CAP2: variants seen among roughly 807,000 people sequenced by gnomAD.
CAP2 encodes cyclase associated actin cytoskeleton regulatory protein 2.
CAP2 carries 24 observed loss-of-function variants against 57.7 expected under a neutral mutation model. That is an observed-to-expected ratio of 0.42 (90% CI 0.30 to 0.58). The LOEUF is 0.58. CAP2 is among the 20% of genes least tolerant of loss of function. The pLI is 0.22. For missense variants in CAP2, 501 were observed against 590.3 expected, an observed-to-expected ratio of 0.85 and a Z score of 1.57; for synonymous variants, 194 against 207.2, an observed-to-expected ratio of 0.94 and a Z score of 0.55.
chr6:17,436,937 A>G (rs760053309), intron 3 of CAP2, among the ~76,000 whole-genome samples: 3 of 152,280 alleles, frequency 2.0e-5, no homozygotes, highest in South Asian at 2.1e-4. Context: ...TCAGAGGAGC[A>G]TAAACCCTAT....
In CAP2 at chr6:17,550,394, C is replaced by CTTTTTTT. The variant is rs10557884; in HGVS notation, c.1210-1049_1210-1043dup. On this transcript the variant is annotated intron_variant, in intron 11 of 12. Coordinates refer to ENST00000229922, the MANE Select transcript of CAP2 (RefSeq NM_006366.3). ...GTACCTGACCTTGAACTACCCCTGC[C>CTTTTTTT]TTTTTTTTTTTTTTTTTTTTTTTTT... 1.9e-4 allele frequency among the ~76,000 whole-genome samples: 10 copies of CTTTTTTT among 52,046 alleles called. 3 individuals are homozygous for CTTTTTTT. In the East Asian group the frequency reaches 2.9e-3, roughly 15 times the overall value. 34.1% of individuals were successfully genotyped at this position (52,046 alleles called of 152,430 possible).
intron 4 of CAP2, among the ~76,000 whole-genome samples, chr6:17,499,842 C>A (rs572385086): frequency 1.0e-5 from 1 of 95,520 alleles, no homozygotes; most frequent in Non-Finnish European, 2.0e-5. Flanking sequence ...CAGAGTGAGA[C>A]CCTGTCATAA....
At position 17,556,950 on chromosome 6, in the gene CAP2, T is replaced by C. The variant is rs1012544294; in HGVS notation, c.*508T>C. ...TTTATCAGCGTGGATACTGTCAGCA[T>C]GAGTACATATTTCAACCCACGCTTG... is the stretch of plus-strand genomic sequence containing the variant. On this transcript the variant is annotated 3_prime_UTR_variant, in exon 13 of 13. Coordinates refer to ENST00000229922, the MANE Select transcript of CAP2 (RefSeq NM_006366.3). The C allele has an allele frequency of 1.3e-5, 2 of 153,524 alleles. No individual in the cohort carries two copies. Among genetic ancestry groups the C allele is most frequent in the African/African-American group, 4.9e-5 (2 of 40,600 alleles). The allele number at this position is 153,524 out of a possible 1,614,324, so 9.5% of individuals were successfully genotyped here.
chr6:17,471,779 C>T (rs1318640689), intron 4 of CAP2, among the ~76,000 whole-genome samples: 2 of 150,676 alleles, frequency 1.3e-5, no homozygotes, highest in East Asian at 1.9e-4. Flanking sequence ...TGCAGTGAGC[C>T]GAGATTGCGC....
intron 9 of CAP2, among the ~76,000 whole-genome samples, chr6:17,542,312 C>A (rs1205445953): frequency 6.6e-6 from 1 of 152,188 alleles, no homozygotes; most frequent in Non-Finnish European, 1.5e-5. Flanking sequence ...TGCCACCCCC[C>A]ACTGCCCGGG....
intron 11 of CAP2, 103 bp from the exon 12 acceptor site, chr6:17,551,361 T>C: frequency 1.0e-6 from 1 of 964,536 alleles, no homozygotes; most frequent in Non-Finnish European, 1.5e-6. Flanking sequence ...TAATGCTTGG[T>C]TAAGCCCAAG....
intron 8 of CAP2, among the ~76,000 whole-genome samples, chr6:17,540,017 G>A (rs1762863252): frequency 6.6e-6 from 1 of 152,174 alleles, no homozygotes; most frequent in Admixed American, 6.5e-5. Context: ...AGGAGGTGGG[G>A]GCTGCGGTGA....
At chr6:17,445,768 T>C (rs567856081) in intron 3 of CAP2, among the ~76,000 whole-genome samples, 7 of 152,334 alleles carry the variant, frequency 4.6e-5, no homozygotes, top group South Asian at 4.1e-4. Context: ...ATTTGTAAAT[T>C]ATTTCTTAGA....
intron 11 of CAP2, among the ~76,000 whole-genome samples, chr6:17,547,630 C>T (rs142085785): frequency 7.2e-5 from 11 of 151,738 alleles, no homozygotes; most frequent in Middle Eastern, 3.4e-3. Flanking sequence ...TCACGAGGTC[C>T]GGAGATTGAG....
intron 6 of CAP2, among the ~76,000 whole-genome samples, chr6:17,510,468 G>A (rs940652854): frequency 7.2e-5 from 11 of 152,270 alleles, no homozygotes; most frequent in Admixed American, 5.9e-4. Flanking sequence ...TCTTCAGTGC[G>A]CCTCTTTTCC....
chr6:17,526,199 C>T (rs1200738131), intron 7 of CAP2, among the ~76,000 whole-genome samples: 2 of 151,738 alleles, frequency 1.3e-5, no homozygotes, highest in Non-Finnish European at 2.9e-5. Flanking sequence ...CTCACTGCAA[C>T]CTCCACCTCC....
At chr6:17,502,354 T>C (rs971695179) in intron 4 of CAP2, among the ~76,000 whole-genome samples, 1 of 152,186 alleles carries the variant, frequency 6.6e-6, no homozygotes, top group Non-Finnish European at 1.5e-5. Context: ...CACTCTAATG[T>C]TCTCTTCTAT....
chr6:17,484,097 C>T (rs1410327996), intron 4 of CAP2, among the ~76,000 whole-genome samples: 3 of 151,984 alleles, frequency 2.0e-5, no homozygotes, highest in Non-Finnish European at 2.9e-5. Flanking sequence ...TGAAAGACCA[C>T]GGACTCCCTT....
intron 7 of CAP2, chr6:17,531,790 A>G (rs1264443866): frequency 3.5e-6 from 2 of 573,154 alleles, no homozygotes; most frequent in African/African-American, 1.9e-5. Context: ...TAGGATAAAG[A>G]TACCTGCAAA....
At chr6:17,545,329 G>A (rs564720632) in intron 11 of CAP2, among the ~76,000 whole-genome samples, 4 of 151,984 alleles carry the variant, frequency 2.6e-5, no homozygotes, top group African/African-American at 4.8e-5. Flanking sequence ...TAAGCAGTTA[G>A]CATTTTTTTT....
chr6:17,397,305 C>G (rs1013318981), intron 1 of CAP2, among the ~76,000 whole-genome samples: 1 of 152,042 alleles, frequency 6.6e-6, no homozygotes, highest in African/African-American at 2.4e-5. Context: ...GGTAATCTGC[C>G]GTTCTCGGCC....
At chr6:17,402,895 A>AT (rs1758852612) in intron 1 of CAP2, among the ~76,000 whole-genome samples, 1 of 152,166 alleles carries the variant, frequency 6.6e-6, no homozygotes, top group Non-Finnish European at 1.5e-5. Flanking sequence ...TGTCTTCTCA[A>AT]TTTTTCCTTA....
chr6:17,494,610 A>G (rs977462372), intron 4 of CAP2, among the ~76,000 whole-genome samples: 4 of 151,860 alleles, frequency 2.6e-5, no homozygotes, highest in Admixed American at 2.0e-4. Context: ...TTTTCCCTCT[A>G]TGGTTTTTAA....
rs1428733649 is a variant in CAP2 at position 17,402,126 on chromosome 6, C to G, written c.-2+8380C>G. Among the ~76,000 whole-genome samples the G allele has an allele frequency of 2.6e-5, 4 of 152,284 alleles. No homozygotes were observed. In the East Asian group the frequency reaches 7.7e-4, roughly 29 times the overall value. On this transcript the variant is annotated intron_variant, in intron 1 of 12. Transcript: ENST00000229922. ...TGAGAATATAAAGGTCCAAATCCTC[C>G]TCTTCCATATGTGCTTTTTTCCTAA... is the stretch of plus-strand genomic sequence containing the variant.
Sources: allele counts gnomAD v4.1 joint callset (sites outside exome capture counted in the v4.1 genomes callset), GRCh38; gene constraint gnomAD v4.1.1; transcripts MANE v1.5; gene names NCBI Gene and HGNC (gene_info 2026-07-23, HGNC 2026-07-21).